Variants in UNC5C observed in about 807,000 individuals in gnomAD.
UNC5C encodes the protein unc-5 netrin receptor C.
In UNC5C, 47 loss-of-function variants were observed where a neutral mutation model predicts 99.8. That is an observed-to-expected ratio of 0.47 (90% CI 0.37 to 0.60). The LOEUF (loss-of-function observed/expected upper bound fraction) is 0.60, where lower values mean the gene tolerates loss of function less well. Ranked by LOEUF, UNC5C falls within the 20% of genes least tolerant of loss-of-function variation. The probability of loss-of-function intolerance (pLI) is 0.00; values close to 1 mark genes in which losing one functional copy is unlikely to be tolerated. For missense variants in UNC5C, 1,062 were observed against 1,165.9 expected (o/e 0.91, Z 1.30); for synonymous variants, 487 against 452.2 (o/e 1.08, Z -0.98).
intron 10 of UNC5C, among the ~76,000 whole-genome samples, chr4:95,207,706 G>C (rs576599884): frequency 6.6e-6 from 1 of 152,246 alleles, no homozygotes; most frequent in South Asian, 2.1e-4. Flanking sequence ...AATTTTAGAA[G>C]GGCCCTTGGA....
At chr4:95,403,350 C>G (rs1374486104) in intron 1 of UNC5C, among the ~76,000 whole-genome samples, 2 of 152,110 alleles carry the variant, frequency 1.3e-5, no homozygotes, top group African/African-American at 4.8e-5. Flanking sequence ...GACAGGTGAG[C>G]TGGAACCCCG....
intron 3 of UNC5C, among the ~76,000 whole-genome samples, chr4:95,284,008 A>C (rs1741148484): frequency 6.6e-6 from 1 of 152,230 alleles, no homozygotes; most frequent in South Asian, 2.1e-4. Context: ...ATCAGACCTG[A>C]AACAATATAG....
intron 1 of UNC5C, among the ~76,000 whole-genome samples, chr4:95,379,951 G>A (rs1745016976): frequency 6.6e-6 from 1 of 152,172 alleles, no homozygotes; most frequent in Non-Finnish European, 1.5e-5. Flanking sequence ...GCTGAAAGAC[G>A]TGTGGCTGCA....
intron 4 of UNC5C, among the ~76,000 whole-genome samples, chr4:95,254,209 T>C (rs1739863430): frequency 6.6e-6 from 1 of 152,170 alleles, no homozygotes; most frequent in South Asian, 2.1e-4. Context: ...TCTGGGCTTA[T>C]AGTCACTTTA....
chr4:95,236,961 G>A (rs1366977619), intron 7 of UNC5C, among the ~76,000 whole-genome samples: 4 of 151,978 alleles, frequency 2.6e-5, no homozygotes, highest in Non-Finnish European at 5.9e-5. Flanking sequence ...CCTGACCATC[G>A]ACACCAAAAT....
chr4:95,336,008 T>C (rs1000511129), intron 1 of UNC5C, among the ~76,000 whole-genome samples: 3 of 151,854 alleles, frequency 2.0e-5, no homozygotes, highest in African/African-American at 7.2e-5. Context: ...GCAACTTCAT[T>C]AGAAACATGT....
intron 9 of UNC5C, among the ~76,000 whole-genome samples, chr4:95,216,875 T>G (rs141593945): frequency 2.0e-3 from 305 of 151,254 alleles, no homozygotes; most frequent in African/African-American, 7.0e-3. Context: ...CTGGAAAGCT[T>G]GTTAAACCAC....
chr4:95,356,376 C>T (rs1381866684), intron 1 of UNC5C, among the ~76,000 whole-genome samples: 2 of 151,880 alleles, frequency 1.3e-5, no homozygotes, highest in Non-Finnish European at 2.9e-5. Context: ...GTAGAAATTC[C>T]AGTTACCATA....
rs558450812 is a variant in UNC5C at position 95,326,620 on chromosome 4, A to G, written c.346+8790T>C. Among the ~76,000 whole-genome samples the G allele has an allele frequency of 1.7e-4, 26 of 152,328 alleles. No homozygotes were observed. The South Asian group carries it at 5.0e-3, about 29-fold the overall frequency. On this transcript the variant is annotated intron_variant, in intron 2 of 15. Transcript: ENST00000453304. ...TCCACTTTTCTGTTTCTTATATTGC[A>G]TACATGTAAGAAATGCAACTGTGGT...
intron 4 of UNC5C, among the ~76,000 whole-genome samples, chr4:95,257,202 C>T (rs928851357): frequency 1.3e-5 from 2 of 152,172 alleles, no homozygotes; most frequent in Non-Finnish European, 2.9e-5. Flanking sequence ...GAAGTCCTTA[C>T]AACCAGCCTG....
At chr4:95,239,986 T>C (rs1437903953) in intron 7 of UNC5C, among the ~76,000 whole-genome samples, 3 of 152,212 alleles carry the variant, frequency 2.0e-5, no homozygotes, top group African/African-American at 7.2e-5. Flanking sequence ...ATATCAGAAT[T>C]ATTTGTATAC....
chr4:95,352,347 T>C (rs1225096890), intron 1 of UNC5C, among the ~76,000 whole-genome samples: 1 of 152,266 alleles, frequency 6.6e-6, no homozygotes, highest in Non-Finnish European at 1.5e-5. Context: ...AGGAAGGATA[T>C]TTCCTCTTCT....
intron 14 of UNC5C, among the ~76,000 whole-genome samples, chr4:95,172,379 C>G (rs527537830): frequency 2.0e-5 from 3 of 150,930 alleles, no homozygotes; most frequent in Non-Finnish European, 3.0e-5. Flanking sequence ...TTAGGTCTAA[C>G]GTTTATGTCT....
At chr4:95,493,782 G>T (rs901733592) in intron 1 of UNC5C, among the ~76,000 whole-genome samples, 2 of 151,238 alleles carry the variant, frequency 1.3e-5, no homozygotes, top group African/African-American at 4.8e-5. Context: ...AGCAGGTTTT[G>T]CAAATCATTA....
intron 1 of UNC5C, among the ~76,000 whole-genome samples, chr4:95,435,800 T>C (rs1164734365): frequency 1.3e-5 from 2 of 152,088 alleles, no homozygotes; most frequent in African/African-American, 4.8e-5. Context: ...ATATTTATTG[T>C]AGCGTTTATA....
At chr4:95,497,961 T>C (rs1334959917) in intron 1 of UNC5C, among the ~76,000 whole-genome samples, 3 of 152,122 alleles carry the variant, frequency 2.0e-5, no homozygotes, top group Non-Finnish European at 4.4e-5. Context: ...AGATATATCA[T>C]AGTCATGGCA....
At chr4:95,517,175 A>C (rs1369113415) in intron 1 of UNC5C, among the ~76,000 whole-genome samples, 1 of 152,220 alleles carries the variant, frequency 6.6e-6, no homozygotes, top group Non-Finnish European at 1.5e-5. Context: ...TAATGATAAA[A>C]ATATTAAACT....
intron 1 of UNC5C, among the ~76,000 whole-genome samples, chr4:95,526,800 T>A (rs999202855): frequency 1.3e-5 from 2 of 148,872 alleles, no homozygotes; most frequent in African/African-American, 4.8e-5. Flanking sequence ...ATGAAACTAC[T>A]CATGTGGATT....
At chr4:95,381,973 A>G (rs1220653170) in intron 1 of UNC5C, among the ~76,000 whole-genome samples, 3 of 152,110 alleles carry the variant, frequency 2.0e-5, no homozygotes, top group Non-Finnish European at 4.4e-5. Flanking sequence ...CCCAAACTGT[A>G]GGGTTACTAA....
Sources: gnomAD v4.1 joint callset for allele counts (sites outside exome capture counted in the v4.1 genomes callset) on GRCh38, gnomAD v4.1.1 for gene constraint, MANE v1.5 for transcripts, NCBI Gene and HGNC (gene_info 2026-07-23, HGNC 2026-07-21) for gene names.